The following DUSP22 variants were observed in gnomAD, a reference collection of about 807,000 sequenced individuals.
The protein encoded by DUSP22 is dual specificity phosphatase 22, also known as dual specificity protein phosphatase 22.
Under a neutral mutation model 24.5 loss-of-function variants are expected in DUSP22, and 24 were observed. That is an observed-to-expected ratio of 0.98 (90% CI 0.71 to 1.38). The LOEUF (loss-of-function observed/expected upper bound fraction) is 1.38. Among genes scored for constraint, DUSP22 ranks in the 40% most tolerant of loss-of-function variants. The pLI, the probability that DUSP22 is intolerant of heterozygous loss-of-function variation, is 0.00. For missense variants in DUSP22, 330 were observed against 269.2 expected (o/e 1.23, Z -1.58); for synonymous variants, 160 against 106.4 (o/e 1.50, Z -3.10).
chr6:345,772 A>T (rs1173109471), intron 4 of DUSP22, 82 bp from the exon 5 acceptor site: 6 of 1,523,556 alleles, frequency 3.9e-6, no homozygotes, highest in Non-Finnish European at 5.4e-6. Context: ...CATTTTAAGA[A>T]AGAAGCCTCA....
In DUSP22 at chr6:335,150, C is replaced by T. The variant is rs771034374; in HGVS notation, c.175C>T (p.Pro59Ser). The T allele has an allele frequency of 1.2e-6, 2 of 1,613,858 alleles. No individual in the cohort carries two copies. The highest frequency in any genetic ancestry group is 2.2e-5 in the East Asian group (1 of 44,884). Residue 59 changes from proline (P) to serine (S), a missense_variant, in exon 4 of 7, where the codon CCA becomes TCA. Physicochemically the swap from Pro to Ser is moderately conservative, Grantham distance 74. Coordinates refer to ENST00000419235, the MANE Select transcript of DUSP22 (RefSeq NM_001286555.3). ...CCTGTGCATCCCAGCAGCGGATTCA[C>T]CATCTCAAAACCTGTAAGTTTCTTA... ...KYLCIPAADS[P>S]SQNLTRHFKE...
chr6:329,991 C>T (rs983233068), intron 3 of DUSP22, among the ~76,000 whole-genome samples: 21 of 152,164 alleles, frequency 1.4e-4, no homozygotes, highest in Admixed American at 2.6e-4. Context: ...TGGCTGGTTT[C>T]GCTCAGTTGT....
At chr6:304,851 C>T (rs1326729068) in intron 2 of DUSP22, among the ~76,000 whole-genome samples, 190 bp downstream of exon 2, 1 of 152,278 alleles carries the variant, frequency 6.6e-6, no homozygotes, top group Admixed American at 6.5e-5. Flanking sequence ...ACCAACTCCC[C>T]ATTCCTCTCC....
chr6:336,576 A>T (rs1438702606), intron 4 of DUSP22, among the ~76,000 whole-genome samples: 1 of 152,308 alleles, frequency 6.6e-6, no homozygotes, highest in South Asian at 2.1e-4. Context: ...AGCTGGAGTA[A>T]GATGGGTTGA....
chr6:343,038 T>C (rs930422154), intron 4 of DUSP22, among the ~76,000 whole-genome samples: 2 of 150,154 alleles, frequency 1.3e-5, no homozygotes, highest in Admixed American at 1.3e-4. Flanking sequence ...CGTGCCCCAC[T>C]CTGCTGTATA....
At chr6:309,402 C>T (rs1757964704) in intron 2 of DUSP22, among the ~76,000 whole-genome samples, 3 of 152,290 alleles carry the variant, frequency 2.0e-5, no homozygotes, top group Admixed American at 2.0e-4. Flanking sequence ...AAACAATAGC[C>T]CTAAATTTGA....
At chr6:336,238 CA>C (rs1437174126) in intron 4 of DUSP22, among the ~76,000 whole-genome samples, 2 of 152,422 alleles carry the variant, frequency 1.3e-5, no homozygotes, top group East Asian at 3.8e-4. Flanking sequence ...TGCTATATGC[CA>C]CAGGTCAAAG....
chr6:294,098 A>G (rs1378889119), intron 1 of DUSP22, among the ~76,000 whole-genome samples: 1 of 152,296 alleles, frequency 6.6e-6, no homozygotes, highest in Non-Finnish European at 1.5e-5. Flanking sequence ...ATACAATTCA[A>G]AAAATATATT....
chr6:319,391 T>C (rs1434380778), intron 3 of DUSP22, among the ~76,000 whole-genome samples: 1 of 152,304 alleles, frequency 6.6e-6, no homozygotes, highest in Non-Finnish European at 1.5e-5. Flanking sequence ...CCACGGCCGA[T>C]TGGTACAAAG....
intron 2 of DUSP22, among the ~76,000 whole-genome samples, chr6:307,124 G>A (rs1381184916): frequency 6.6e-6 from 1 of 152,312 alleles, no homozygotes; most frequent in Non-Finnish European, 1.5e-5. Context: ...GGTGAATCCA[G>A]CTGTCATCTG....
At chr6:295,844 AT>A (rs1432278599) in intron 1 of DUSP22, among the ~76,000 whole-genome samples, 2 of 151,208 alleles carry the variant, frequency 1.3e-5, no homozygotes, top group East Asian at 1.9e-4. Flanking sequence ...GTTGTGAACC[AT>A]TTTTTTTAAC....
rs746769139 is a variant in DUSP22 at position 348,834 on chromosome 6, C to T, written c.501C>T (p.Asn167=). The change falls in exon 7 of 7, where the codon AAC becomes AAT. Residue 167 remains asparagine (N), a synonymous_variant. Coordinates refer to ENST00000419235, the MANE Select transcript of DUSP22 (RefSeq NM_001286555.3). Reference sequence around the variant, plus strand: ...TGCAGGATGCAGAAGAAGCCAAAAACATTCTGGGTAAATATAAGGAGCAAG... The same window carrying T: ...TGCAGGATGCAGAAGAAGCCAAAAATATTCTGGGTAAATATAAGGAGCAAG... The part of the protein sequence containing the change: ...SPLQDAEEAK[N]ILGKYKEQGR... 6.2e-7 allele frequency: 1 copy of T among 1,614,316 alleles called. No individual in the cohort carries two copies. Among genetic ancestry groups the T allele is most frequent in the Non-Finnish European group, 8.5e-7 (1 of 1,180,060 alleles).
chr6:308,939 G>A (rs1176698595), intron 2 of DUSP22, among the ~76,000 whole-genome samples: 1 of 152,302 alleles, frequency 6.6e-6, no homozygotes, highest in African/African-American at 2.4e-5. Flanking sequence ...CCTCTACTGG[G>A]TCCTCGCCCC....
intron 6 of DUSP22, 88 bp downstream of exon 6, chr6:348,362 C>T (rs565460129): frequency 1.5e-5 from 24 of 1,575,104 alleles, no homozygotes; most frequent in South Asian, 9.4e-5. Context: ...AGCATCATGG[C>T]GTTTGGAGTT....
chr6:292,590 T>A, intron 1 of DUSP22, 30 bp downstream of exon 1: 1 of 1,590,136 alleles, frequency 6.3e-7, no homozygotes, highest in East Asian at 2.4e-5. Flanking sequence ...GCGCTGGGTT[T>A]GCCTCCGCTC....
chr6:296,809 AG>A (rs1192029157), intron 1 of DUSP22, among the ~76,000 whole-genome samples: 1 of 152,298 alleles, frequency 6.6e-6, no homozygotes, highest in Non-Finnish European at 1.5e-5. Context: ...CTTGCATTCT[AG>A]GGCAGGATAT....
chr6:350,022 C>T lies in DUSP22; in HGVS notation c.*1071C>T. 4 of 985,678 alleles carry T rather than the reference C, an allele frequency of 4.1e-6. No individual in the cohort carries two copies. The highest frequency in any genetic ancestry group is 4.8e-6 in the Non-Finnish European group (4 of 830,020). 61.1% of individuals were successfully genotyped at this position (985,678 alleles called of 1,614,324 possible). ...ATTTATTAGGCACTGTAGCAATTTG[C>T]ATTTTAAAATGCCTGAGCATTTATT... On this transcript the variant is annotated 3_prime_UTR_variant, in exon 7 of 7. Coordinates refer to ENST00000419235, the MANE Select transcript of DUSP22 (RefSeq NM_001286555.3).
chr6:317,862 T>A, intron 3 of DUSP22, among the ~76,000 whole-genome samples: 1 of 152,410 alleles, frequency 6.6e-6, no homozygotes, highest in African/African-American at 2.4e-5. Context: ...AATCATGTCT[T>A]ATCACGCATT....
At chr6:337,607 G>T (rs1439142159) in intron 4 of DUSP22, among the ~76,000 whole-genome samples, 2 of 152,306 alleles carry the variant, frequency 1.3e-5, no homozygotes, top group Non-Finnish European at 1.5e-5. Flanking sequence ...GGTGCTGAAG[G>T]ACTAGCCCAT....
Sources: allele counts gnomAD v4.1 joint callset (sites outside exome capture counted in the v4.1 genomes callset), GRCh38; gene constraint gnomAD v4.1.1; transcripts MANE v1.5; gene names NCBI Gene and HGNC (gene_info 2026-07-23, HGNC 2026-07-21).